Variants in NEK4 observed in about 807,000 individuals in gnomAD.
NEK4 encodes serine/threonine-protein kinase Nek4.
NEK4 carries 86 observed loss-of-function variants against 98.4 expected under a neutral mutation model. The ratio of observed to expected loss-of-function variants is 0.87; its 90% CI spans 0.73 to 1.05. The LOEUF is 1.05. Ranked by LOEUF, NEK4 falls within the 50% of genes least tolerant of loss-of-function variation. The pLI, the probability that NEK4 is intolerant of heterozygous loss-of-function variation, is 0.00. For synonymous variants in NEK4, 328 were observed against 342.2 expected (o/e 0.96, Z 0.46); for missense variants, 898 against 950.3 (o/e 0.94, Z 0.72).
chr3:52,767,928 G>A (rs1243751753), intron 2 of NEK4, among the ~76,000 whole-genome samples: 1 of 152,150 alleles, frequency 6.6e-6, no homozygotes, highest in Non-Finnish European at 1.5e-5. Context: ...AAGAAAACTT[G>A]TTTTGCATTC....
At chr3:52,752,706 C>T (rs2154105337) in intron 6 of NEK4, among the ~76,000 whole-genome samples, 1 of 151,442 alleles carries the variant, frequency 6.6e-6, no homozygotes, top group African/African-American at 2.4e-5. Flanking sequence ...TTGAGACCAG[C>T]CTGGGCAACA....
At chr3:52,718,048 T>C (rs1194210531) in intron 15 of NEK4, among the ~76,000 whole-genome samples, 2 of 151,480 alleles carry the variant, frequency 1.3e-5, no homozygotes, top group Non-Finnish European at 1.5e-5. Context: ...CCCACCTCAG[T>C]CTCCCAAGGT....
intron 15 of NEK4, among the ~76,000 whole-genome samples, chr3:52,736,602 A>G (rs973053818): frequency 6.6e-6 from 1 of 152,056 alleles, no homozygotes; most frequent in Non-Finnish European, 1.5e-5. Context: ...AAAAAAAAAA[A>G]AAGAATTATA....
intron 15 of NEK4, among the ~76,000 whole-genome samples, chr3:52,719,412 C>T (rs567901416): frequency 3.9e-5 from 6 of 151,956 alleles, no homozygotes; most frequent in East Asian, 3.9e-4. Flanking sequence ...GGTGAAACCC[C>T]GTCTCTACTA....
chr3:52,756,779 G>T (rs939661744), intron 6 of NEK4, among the ~76,000 whole-genome samples: 6 of 152,092 alleles, frequency 3.9e-5, no homozygotes, highest in Admixed American at 1.3e-4. Flanking sequence ...AAAATTTTGT[G>T]CATCAAAAGA....
At chr3:52,714,252 G>A (rs1477276856) in intron 15 of NEK4, among the ~76,000 whole-genome samples, 2 of 152,190 alleles carry the variant, frequency 1.3e-5, no homozygotes, top group Admixed American at 1.3e-4. Flanking sequence ...TCTGGAAACG[G>A]TGCTAAGAGA....
intron 6 of NEK4, among the ~76,000 whole-genome samples, chr3:52,752,816 C>T (rs1277471691): frequency 5.4e-5 from 8 of 147,974 alleles, no homozygotes; most frequent in Non-Finnish European, 8.9e-5. Flanking sequence ...GGGAGGATTG[C>T]TTGAGCCTAG....
intron 15 of NEK4, among the ~76,000 whole-genome samples, chr3:52,717,551 G>A (rs1205272786): frequency 6.6e-6 from 1 of 151,970 alleles, no homozygotes; most frequent in Non-Finnish European, 1.5e-5. Context: ...CTCCAAAACC[G>A]GGTGCTAAGT....
chr3:52,714,322 C>T (rs1359366482), intron 15 of NEK4, among the ~76,000 whole-genome samples: 1 of 152,242 alleles, frequency 6.6e-6, no homozygotes, highest in African/African-American at 2.4e-5. Flanking sequence ...GACTAAACTC[C>T]TGCACTACTG....
chr3:52,747,673 G>A (rs372389186), intron 8 of NEK4, among the ~76,000 whole-genome samples: 1 of 151,846 alleles, frequency 6.6e-6, no homozygotes, highest in African/African-American at 2.4e-5. Flanking sequence ...AGCTGAGTGT[G>A]GTAGCCCACA....
At chr3:52,769,363 T>C (rs1246855743) in intron 1 of NEK4, among the ~76,000 whole-genome samples, 1 of 152,222 alleles carries the variant, frequency 6.6e-6, no homozygotes, top group Non-Finnish European at 1.5e-5. Flanking sequence ...CATGGCCCCA[T>C]AAGTTTAATA....
chr3:52,769,810 T>C (rs1266834706), intron 1 of NEK4, among the ~76,000 whole-genome samples: 2 of 152,194 alleles, frequency 1.3e-5, no homozygotes, highest in African/African-American at 4.8e-5. Flanking sequence ...ATAAACCACA[T>C]TGAATAATTG....
intron 15 of NEK4, among the ~76,000 whole-genome samples, chr3:52,722,353 A>T (rs2097360854): frequency 6.6e-6 from 1 of 152,122 alleles, no homozygotes; most frequent in Non-Finnish European, 1.5e-5. Context: ...GAGCTGGGGC[A>T]CACCAGCATG....
At chr3:52,733,651 C>G (rs1430241969) in intron 15 of NEK4, 7 of 478,150 alleles carry the variant, frequency 1.5e-5, no homozygotes, top group Non-Finnish European at 2.1e-5. Context: ...GACTTATGGC[C>G]CATCTTCTAA....
Position 52,768,381 on chromosome 3 carries a change from T to C in NEK4, c.317A>G (p.Asn106Ser), listed in dbSNP as rs1698653843. The C allele has an allele frequency of 6.2e-7, 1 of 1,614,190 alleles. No individual in the cohort carries two copies. Among genetic ancestry groups the C allele is most frequent in the Non-Finnish European group, 8.5e-7 (1 of 1,180,006 alleles). Residue 106 changes from asparagine to serine, a missense_variant, in exon 2 of 16, where the codon AAT becomes AGT. Coordinates refer to ENST00000233027, the MANE Select transcript of NEK4 (RefSeq NM_003157.6). ...CTGTACAAACCACTCTACCACCTGA[T>C]TCTCAGGCAGAAGCTGCCCTTTCTG... ...KEQKGQLLPE[N>S]QVVEWFVQIA...
Position 52,744,245 on chromosome 3 carries a change from A to G in NEK4, c.1888T>C (p.Ser630Pro), listed in dbSNP as rs1185514639. The change falls in exon 11 of 16, where the codon TCT becomes CCT. Residue 630 changes from serine (S) to proline (P), a missense_variant. By Grantham distance (74) the Ser-to-Pro change is moderately conservative (BLOSUM62 -1). Transcript: ENST00000233027. The stretch of plus-strand genomic sequence containing the variant: ...GAAAAGAAGTCAACTTTACCTGAAG[A>G]GGACATTTCTTCCTGTGACTGCTTT... ...RLKQSQEEMS[S>P]SGPSVRKASL... 6.2e-7 allele frequency: 1 copy of G among 1,612,464 alleles called. No homozygotes were observed. The highest frequency in any genetic ancestry group is 8.5e-7 in the Non-Finnish European group (1 of 1,178,446).
At position 52,760,853 on chromosome 3, in the gene NEK4, T is replaced by A. The variant is rs780365839; in HGVS notation, c.905A>T (p.Asn302Ile). 1.9e-6 allele frequency: 3 copies of A among 1,609,620 alleles called. No individual in the cohort carries two copies. The African/African-American group carries it at 4.0e-5, about 22-fold the overall frequency. Residue 302 changes from asparagine to isoleucine, a missense_variant, in exon 6 of 16, where the codon AAT becomes ATT. Physicochemically the swap from Asn to Ile is moderately radical, Grantham distance 149. Coordinates refer to ENST00000233027, the MANE Select transcript of NEK4 (RefSeq NM_003157.6). ...TGGTTGGGGGTGGATTACTTCATGA[T>A]TTGATTCTGCCTCTCCAGAAACCAC... The part of the protein sequence containing the change: ...ATVVSGEAES[N>I]HEVIHPQPLS...
chr3:52,764,778 G>GCGCACACA (rs148227214), intron 4 of NEK4, among the ~76,000 whole-genome samples: 1 of 145,030 alleles, frequency 6.9e-6, no homozygotes, highest in Non-Finnish European at 1.5e-5. Flanking sequence ...ACACACACAT[G>GCGCACACA]CACACACACA....
At position 52,727,528 on chromosome 3, in the gene NEK4, T is replaced by A. The variant is rs186072163; in HGVS notation, c.2433+10058A>T. Among the ~76,000 whole-genome samples, 522 of 152,080 alleles carry A rather than the reference T, an allele frequency of 3.4e-3. 4 individuals are homozygous for A. The highest frequency in any genetic ancestry group is 6.1e-3 in the Non-Finnish European group (413 of 67,974). On this transcript the variant is annotated intron_variant, in intron 15 of 15. Coordinates refer to ENST00000233027, the MANE Select transcript of NEK4 (RefSeq NM_003157.6). ...TGAGATGGAGTCACCCAGGCTGGAGTGTGGTAGTGTGACCTCGGCTCACTC... is the reference window on the plus strand; with the variant it reads ...TGAGATGGAGTCACCCAGGCTGGAGAGTGGTAGTGTGACCTCGGCTCACTC...
Sources: gnomAD v4.1 joint callset for allele counts (sites outside exome capture counted in the v4.1 genomes callset) on GRCh38, gnomAD v4.1.1 for gene constraint, MANE v1.5 for transcripts, NCBI Gene and HGNC (gene_info 2026-07-23, HGNC 2026-07-21) for gene names.